FBXL13: variants seen among roughly 807,000 people sequenced by gnomAD.
FBXL13 encodes F-box and leucine rich repeat protein 13, also known as F-box and leucine-rich repeat protein 13.
In FBXL13, 67 loss-of-function variants were observed where a neutral mutation model predicts 83.6. The observed-to-expected ratio is 0.80, with a 90% CI of 0.66 to 0.98. The LOEUF is 0.98. FBXL13 is among the 50% of genes least tolerant of loss of function. The probability of loss-of-function intolerance (pLI) is 0.00; values close to 1 mark genes in which losing one functional copy is unlikely to be tolerated. For missense variants in FBXL13, 822 were observed against 866.5 expected (o/e 0.95, Z 0.64); for synonymous variants, 272 against 299.5 (o/e 0.91, Z 0.95).
intron 1 of FBXL13, among the ~76,000 whole-genome samples, chr7:103,065,631 A>T (rs1798321094): frequency 6.6e-6 from 1 of 152,262 alleles, no homozygotes. Flanking sequence ...TAAGAGCAAA[A>T]GAGAACACTA....
At chr7:103,023,192 C>T (rs919271822) in intron 6 of FBXL13, among the ~76,000 whole-genome samples, 3 of 152,106 alleles carry the variant, frequency 2.0e-5, no homozygotes, top group African/African-American at 7.2e-5. Flanking sequence ...AGGAGAATGC[C>T]GTGAAACCGG....
intron 2 of FBXL13, among the ~76,000 whole-genome samples, chr7:103,037,828 G>A (rs1176518726): frequency 6.6e-6 from 1 of 152,042 alleles, no homozygotes. Flanking sequence ...TTTTGGGCAT[G>A]CTTCCAAGAT....
chr7:102,956,333 G>A (rs2129477946), intron 8 of FBXL13, among the ~76,000 whole-genome samples: 1 of 151,884 alleles, frequency 6.6e-6, no homozygotes. Flanking sequence ...AAATTCAACA[G>A]CCCTTCATGC....
intron 6 of FBXL13, among the ~76,000 whole-genome samples, chr7:102,991,790 A>G (rs1302921269): frequency 2.0e-5 from 3 of 152,246 alleles, no homozygotes; most frequent in African/African-American, 7.2e-5. Flanking sequence ...TTCCAATGGA[A>G]CATTGTATGA....
At chr7:102,920,072 G>A (rs1022111998) in intron 10 of FBXL13, among the ~76,000 whole-genome samples, 1 of 152,214 alleles carries the variant, frequency 6.6e-6, no homozygotes, top group Non-Finnish European at 1.5e-5. Context: ...TCAAGTTCAA[G>A]GGAGAAGTAG....
chr7:103,010,981 A>ACCTT (rs1791549149), intron 6 of FBXL13, among the ~76,000 whole-genome samples: 3 of 152,156 alleles, frequency 2.0e-5, no homozygotes, highest in African/African-American at 4.8e-5. Context: ...TCGACAGACC[A>ACCTT]CCTTATTCTA....
Position 102,944,137 on chromosome 7 carries a change from A to G in FBXL13, c.725-12204T>C, listed in dbSNP as rs1418078463. 5 of 1,173,292 alleles carry G rather than the reference A, an allele frequency of 4.3e-6. No individual in the cohort carries two copies. In the East Asian group the frequency reaches 1.3e-4, roughly 30 times the overall value. The allele number at this position is 1,173,292 out of a possible 1,614,324, so 72.7% of individuals were successfully genotyped here. Reference sequence around the variant, plus strand: ...AATTAAGCCTCTTTTTAAAATTTGTATTTGTCCTTTCCATATGCCATACAC... The same window carrying G: ...AATTAAGCCTCTTTTTAAAATTTGTGTTTGTCCTTTCCATATGCCATACAC... On this transcript the variant is annotated intron_variant, in intron 8 of 19. Transcript: ENST00000313221.
chr7:103,067,290 T>C (rs779910959), intron 1 of FBXL13, among the ~76,000 whole-genome samples: 1 of 152,152 alleles, frequency 6.6e-6, no homozygotes. Flanking sequence ...GTCACATCAA[T>C]AGGACAGAGG....
At chr7:102,819,697 ATCTC>A (rs1010948086) in intron 19 of FBXL13, among the ~76,000 whole-genome samples, 3 of 152,080 alleles carry the variant, frequency 2.0e-5, no homozygotes, top group Admixed American at 2.0e-4. Flanking sequence ...AGCCAGAAAA[ATCTC>A]TCTTATCCCA....
chr7:102,977,688 G>C (rs1301498357), intron 6 of FBXL13, among the ~76,000 whole-genome samples: 2 of 152,108 alleles, frequency 1.3e-5, no homozygotes, highest in Non-Finnish European at 2.9e-5. Context: ...GCAAAGACTT[G>C]GAACCAACCC....
intron 2 of FBXL13, among the ~76,000 whole-genome samples, chr7:103,049,153 A>C (rs763368726): frequency 6.6e-6 from 1 of 152,180 alleles, no homozygotes; most frequent in Non-Finnish European, 1.5e-5. Context: ...TCTTATATAA[A>C]ATCTCTTTTC....
intron 10 of FBXL13, among the ~76,000 whole-genome samples, chr7:102,924,027 G>GTCA (rs1817587746): frequency 6.6e-6 from 1 of 151,970 alleles, no homozygotes; most frequent in South Asian, 2.1e-4. Flanking sequence ...ATCATCTAAG[G>GTCA]TCAGGAGTTT....
chr7:103,062,130 C>A (rs1365326786), intron 1 of FBXL13, among the ~76,000 whole-genome samples: 2 of 151,840 alleles, frequency 1.3e-5, no homozygotes, highest in Non-Finnish European at 2.9e-5. Context: ...TTTCATCTTC[C>A]CTAAATGCTA....
chr7:102,856,748 A>T (rs894104695), intron 16 of FBXL13, among the ~76,000 whole-genome samples: 2 of 152,212 alleles, frequency 1.3e-5, no homozygotes, highest in African/African-American at 4.8e-5. Context: ...AATAAAATGC[A>T]TTGGTGAGGA....
chr7:102,903,947 T>TCTTTTC (rs1563068225), intron 11 of FBXL13, among the ~76,000 whole-genome samples: 1 of 142,924 alleles, frequency 7.0e-6, no homozygotes, highest in African/African-American at 2.6e-5. Context: ...TTCTTTTTTT[T>TCTTTTC]TTTTTTTTTT....
intron 11 of FBXL13, among the ~76,000 whole-genome samples, chr7:102,885,590 T>C (rs1036845818): frequency 1.3e-5 from 2 of 152,196 alleles, no homozygotes; most frequent in African/African-American, 2.4e-5. Context: ...TTTAAAATCA[T>C]GTACTTCGAT....
intron 6 of FBXL13, among the ~76,000 whole-genome samples, chr7:103,014,446 A>G (rs1298129688): frequency 6.6e-6 from 1 of 152,208 alleles, no homozygotes; most frequent in Non-Finnish European, 1.5e-5. Context: ...CAGATGTATA[A>G]TGAAGAGCTG....
intron 8 of FBXL13, among the ~76,000 whole-genome samples, chr7:102,955,881 G>A (rs1010383504): frequency 5.9e-5 from 9 of 152,078 alleles, no homozygotes; most frequent in South Asian, 2.1e-4. Flanking sequence ...TGAAATTGAG[G>A]CAATAATTAA....
At chr7:102,893,405 C>T (rs1350336297) in intron 11 of FBXL13, among the ~76,000 whole-genome samples, 5 of 152,036 alleles carry the variant, frequency 3.3e-5, no homozygotes, top group African/African-American at 1.2e-4. Flanking sequence ...GCAGAAAAAC[C>T]AAGTAACTCC....
Sources: gnomAD v4.1 joint callset for allele counts (sites outside exome capture counted in the v4.1 genomes callset) on GRCh38, gnomAD v4.1.1 for gene constraint, MANE v1.5 for transcripts, NCBI Gene and HGNC (gene_info 2026-07-23, HGNC 2026-07-21) for gene names.